The following JPH3 variants were observed in gnomAD, a reference collection of about 807,000 sequenced individuals.
JPH3 encodes the protein junctophilin 3.
JPH3 carries 11 observed loss-of-function variants against 59.6 expected under a neutral mutation model. That is an observed-to-expected ratio of 0.18 (90% confidence interval 0.12 to 0.31). JPH3 has a LOEUF of 0.31. Among genes scored for constraint, JPH3 ranks in the 10% least tolerant of loss-of-function variants. The pLI, the probability that JPH3 is intolerant of heterozygous loss-of-function variation, is 1.00. For synonymous variants in JPH3, 673 were observed against 483.6 expected (o/e 1.39, Z -5.14); for missense variants, 1,202 against 1,105.7 (o/e 1.09, Z -1.24).
intron 2 of JPH3, among the ~76,000 whole-genome samples, chr16:87,677,588 T>G (rs374066011): frequency 9.9e-5 from 15 of 152,166 alleles, no homozygotes; most frequent in South Asian, 2.1e-4. Flanking sequence ...CCAGAGATTA[T>G]GCAGCCTGCC....
At chr16:87,695,246 C>T (rs1462735801) in intron 4 of JPH3, 1 of 451,986 alleles carries the variant, frequency 2.2e-6, no homozygotes, top group Non-Finnish European at 4.4e-6. Flanking sequence ...GCTACTCAGT[C>T]TTAACAGACC....
At chr16:87,610,450 A>G (rs1416837646) in intron 1 of JPH3, among the ~76,000 whole-genome samples, 1 of 152,212 alleles carries the variant, frequency 6.6e-6, no homozygotes, top group Non-Finnish European at 1.5e-5. Context: ...GGTCACTGCC[A>G]TGTGCCCAGT....
At chr16:87,657,844 TG>T (rs543873429) in intron 2 of JPH3, among the ~76,000 whole-genome samples, 59 of 152,310 alleles carry the variant, frequency 3.9e-4, no homozygotes, top group African/African-American at 1.4e-3. Context: ...CAAGGGAGGC[TG>T]GGAAATGTAG....
rs1310136276 is a variant in JPH3 at position 87,690,137 on chromosome 16, C to G, written c.1777C>G (p.His593Asp). ...TWTSHHRASN[H>D]SPGGSRLLEL... ...GACTTCCCACCACCGGGCCAGCAAC[C>G]ACAGCCCCGGAGGCTCCAGGCTGCT... The change falls in exon 4 of 5, where the codon CAC becomes GAC. Residue 593 changes from histidine to aspartate, a missense_variant. Coordinates refer to ENST00000284262, the MANE Select transcript of JPH3 (RefSeq NM_020655.4). 1 of 1,594,058 alleles carries G rather than the reference C, an allele frequency of 6.3e-7. No homozygotes were observed. Among genetic ancestry groups the G allele is most frequent in the East Asian group, 2.3e-5 (1 of 43,472 alleles).
intron 1 of JPH3, among the ~76,000 whole-genome samples, chr16:87,639,968 G>C (rs2031889994): frequency 6.6e-6 from 1 of 152,234 alleles, no homozygotes; most frequent in Non-Finnish European, 1.5e-5. Context: ...CCTTGATGGA[G>C]GAGGGATCTC....
rs2030717903 is a variant in JPH3, at chr16:87,611,154, G to A, written c.382+7626G>A. Reference sequence around the variant, plus strand: ...ATAAAAATGAAAATGCAAGAAATAGGATGTCCTATGTTCTACCAGGAAGAA... The same window carrying A: ...ATAAAAATGAAAATGCAAGAAATAGAATGTCCTATGTTCTACCAGGAAGAA... On this transcript the variant is annotated intron_variant, in intron 1 of 4. Transcript: ENST00000284262. This position sits in a 1 kb window ranked among gnomAD's most constrained non-coding sequence, Gnocchi z 4.5. Among the ~76,000 whole-genome samples, 1 of 152,218 alleles carries A rather than the reference G, an allele frequency of 6.6e-6. No homozygotes were observed. The highest frequency in any genetic ancestry group is 1.5e-5 in the Non-Finnish European group (1 of 68,048).
intron 1 of JPH3, among the ~76,000 whole-genome samples, chr16:87,628,307 G>A (rs2031450487): frequency 6.6e-6 from 1 of 152,240 alleles, no homozygotes; most frequent in African/African-American, 2.4e-5. Context: ...GCCCTCAGGG[G>A]CCAGAGCCCC....
chr16:87,659,398 AG>A (rs201958365), intron 2 of JPH3, among the ~76,000 whole-genome samples: 4,536 of 102,270 alleles, frequency 0.044, 724 homozygotes, highest in East Asian at 0.23. Context: ...AAAAAAAAAA[AG>A]AAAACTACAC....
At chr16:87,673,108 T>A (rs1251493223) in intron 2 of JPH3, among the ~76,000 whole-genome samples, 2 of 151,850 alleles carry the variant, frequency 1.3e-5, no homozygotes, top group Non-Finnish European at 1.5e-5. Context: ...ATCGCACCGT[T>A]GCACTCCAGA....
intron 1 of JPH3, among the ~76,000 whole-genome samples, chr16:87,627,969 C>G (rs1290031898): frequency 1.3e-5 from 2 of 152,230 alleles, no homozygotes; most frequent in Non-Finnish European, 2.9e-5. Context: ...GGTGAGCGTT[C>G]CCAACATCAG....
At chr16:87,668,306 G>T (rs1352710726) in intron 2 of JPH3, among the ~76,000 whole-genome samples, 2 of 152,148 alleles carry the variant, frequency 1.3e-5, no homozygotes, top group African/African-American at 4.8e-5. Flanking sequence ...CATGTTTGGG[G>T]GTTACATCTG....
rs751250787 is a variant in JPH3 at position 87,645,053 on chromosome 16, C to CG, written c.1160+24dup. The CG allele has an allele frequency of 1.8e-5, 29 of 1,587,372 alleles. No homozygotes were observed. In the East Asian group the frequency reaches 4.0e-4, roughly 22 times the overall value. On this transcript the variant is annotated intron_variant, in intron 2 of 4. Transcript: ENST00000284262. The stretch of plus-strand genomic sequence containing the variant: ...GCTTCCAGGTAGGAGGGCGAGGGGG[C>CG]GGGGGGCCCTTCTTGGTGCCCAGAA...
rs1307459493 is a variant in JPH3 at position 87,618,427 on chromosome 16, C to T, written c.382+14899C>T. Among the ~76,000 whole-genome samples the T allele has an allele frequency of 2.6e-5, 4 of 152,322 alleles. No homozygotes were observed. The East Asian group carries it at 7.7e-4, about 29-fold the overall frequency. On this transcript the variant is annotated intron_variant, in intron 1 of 4. Transcript: ENST00000284262. ...CCTGTGCCTGGCCTTGTGGCAAACA[C>T]CTCATCCCTTAGGCCATTGGCCATC... is the stretch of plus-strand genomic sequence containing the variant.
At chr16:87,634,785 G>T in intron 1 of JPH3, among the ~76,000 whole-genome samples, 1 of 152,254 alleles carries the variant, frequency 6.6e-6, no homozygotes, top group East Asian at 1.9e-4. Flanking sequence ...GGGCTTTGGG[G>T]TTGGGCCTCA....
chr16:87,685,817 G>T (rs1400582375), intron 3 of JPH3, among the ~76,000 whole-genome samples: 1 of 152,176 alleles, frequency 6.6e-6, no homozygotes, highest in African/African-American at 2.4e-5. Context: ...GAAAGGAAGG[G>T]GACCAGACAG....
intron 1 of JPH3, among the ~76,000 whole-genome samples, chr16:87,640,068 C>G (rs1305920116): frequency 3.9e-5 from 6 of 152,090 alleles, no homozygotes; most frequent in African/African-American, 1.2e-4. Flanking sequence ...GAGGGGGGGC[C>G]CAATTTAACA....
rs575339669 is a variant in JPH3 at position 87,666,911 on chromosome 16, C to G, written c.1161-17231C>G. ...GCAGGGCTGGGATCTGAACCCAGGC[C>G]GTCGGCTCCTGGGCCTGTGTGCCCC... On this transcript the variant is annotated intron_variant, in intron 2 of 4. Transcript: ENST00000284262. Among the ~76,000 whole-genome samples, 36 of 152,220 alleles carry G rather than the reference C, an allele frequency of 2.4e-4. 1 individual carries two copies. The highest frequency in any genetic ancestry group is 2.4e-4 in the Non-Finnish European group (16 of 68,036).
At chr16:87,666,390 ATTTT>A (rs538663195) in intron 2 of JPH3, among the ~76,000 whole-genome samples, 1 of 141,448 alleles carries the variant, frequency 7.1e-6, no homozygotes, top group Non-Finnish European at 1.5e-5. Flanking sequence ...CGCCTGGCCT[ATTTT>A]TTTTTTTTTC....
chr16:87,678,825 G>A (rs980249944), intron 2 of JPH3, among the ~76,000 whole-genome samples: 1 of 152,218 alleles, frequency 6.6e-6, no homozygotes, highest in Non-Finnish European at 1.5e-5. Context: ...GCCGAGAGGC[G>A]GGAGTAAGGC....
Sources: allele counts gnomAD v4.1 joint callset (sites outside exome capture counted in the v4.1 genomes callset), GRCh38; gene constraint gnomAD v4.1.1; non-coding constraint Gnocchi (gnomAD v3.1); transcripts MANE v1.5; gene names NCBI Gene and HGNC (gene_info 2026-07-23, HGNC 2026-07-21).